Variants in CDH12 observed in about 807,000 individuals in gnomAD.
CDH12 encodes the protein cadherin-12.
A neutral mutation model predicts 74.1 loss-of-function variants in CDH12; 41 were observed. That is an observed-to-expected ratio of 0.55 (90% CI 0.43 to 0.72). The LOEUF (loss-of-function observed/expected upper bound fraction) is 0.72, where lower values mean the gene tolerates loss of function less well. Ranked by LOEUF, CDH12 falls within the 30% of genes least tolerant of loss-of-function variation. The probability of loss-of-function intolerance (pLI) is 0.00; values close to 1 mark genes in which losing one functional copy is unlikely to be tolerated. For missense variants in CDH12, 945 were observed against 977.2 expected (o/e 0.97, Z 0.44); for synonymous variants, 399 against 355.0 (o/e 1.12, Z -1.39).
In CDH12 at chr5:22,253,724, C is replaced by T. The variant is rs1256107154; in HGVS notation, c.-332-41081G>A. 2.0e-5 allele frequency among the ~76,000 whole-genome samples: 3 copies of T among 151,670 alleles called. No homozygotes were observed. The Admixed American group carries it at 2.0e-4, about 10-fold the overall frequency. On this transcript the variant is annotated intron_variant, in intron 3 of 14. Transcript: ENST00000382254. The stretch of plus-strand genomic sequence containing the variant: ...TTTTCCCTCTTCTCCTCCACCTCTC[C>T]TCCTCCTCTCATAACCCTTAATCTT...
At chr5:21,897,091 A>G (rs1222202259) in intron 6 of CDH12, among the ~76,000 whole-genome samples, 1 of 152,214 alleles carries the variant, frequency 6.6e-6, no homozygotes, top group Non-Finnish European at 1.5e-5. Flanking sequence ...ATTGCCAACA[A>G]ATATAATCAA....
At chr5:22,239,658 G>GT in intron 3 of CDH12, among the ~76,000 whole-genome samples, 1 of 152,194 alleles carries the variant, frequency 6.6e-6, no homozygotes, top group African/African-American at 2.4e-5. Context: ...GGGAATTGTC[G>GT]TTTAACGGTG....
At chr5:22,521,696 A>G (rs1737058503) in intron 1 of CDH12, among the ~76,000 whole-genome samples, 1 of 152,210 alleles carries the variant, frequency 6.6e-6, no homozygotes, top group Non-Finnish European at 1.5e-5. Context: ...AGCAAGCCAC[A>G]TGGTCTCTGT....
At chr5:22,434,246 G>C (rs1463181065) in intron 2 of CDH12, among the ~76,000 whole-genome samples, 2 of 152,080 alleles carry the variant, frequency 1.3e-5, no homozygotes, top group Non-Finnish European at 2.9e-5. Context: ...AAAAGGAAAA[G>C]TCAAATCAGA....
chr5:21,897,136 A>G (rs907433087), intron 6 of CDH12, among the ~76,000 whole-genome samples: 1 of 152,212 alleles, frequency 6.6e-6, no homozygotes, highest in Non-Finnish European at 1.5e-5. Flanking sequence ...AAGGGGAAAA[A>G]AAGGTTATAT....
chr5:22,574,615 T>C (rs1029535452), intron 1 of CDH12, among the ~76,000 whole-genome samples: 1 of 152,172 alleles, frequency 6.6e-6, no homozygotes, highest in Admixed American at 6.5e-5. Flanking sequence ...TTCCATAAGA[T>C]GGATTTCTAT....
intron 1 of CDH12, among the ~76,000 whole-genome samples, chr5:22,829,063 T>C (rs1024159157): frequency 6.6e-6 from 1 of 152,314 alleles, no homozygotes; most frequent in African/African-American, 2.4e-5. Flanking sequence ...CATTATTGAA[T>C]AAACTGAAGG....
intron 4 of CDH12, among the ~76,000 whole-genome samples, chr5:22,104,309 T>C (rs1338545539): frequency 6.6e-6 from 1 of 152,188 alleles, no homozygotes; most frequent in African/African-American, 2.4e-5. Context: ...ATATAAAAAT[T>C]AGTATCATCT....
At chr5:22,174,137 G>A (rs1234882865) in intron 4 of CDH12, among the ~76,000 whole-genome samples, 2 of 151,930 alleles carry the variant, frequency 1.3e-5, no homozygotes, top group African/African-American at 2.4e-5. Context: ...AGATGACAAG[G>A]TTGATGTAAA....
At chr5:22,079,342 G>T (rs909666741) in intron 4 of CDH12, among the ~76,000 whole-genome samples, 1 of 152,030 alleles carries the variant, frequency 6.6e-6, no homozygotes, top group African/African-American at 2.4e-5. Context: ...CAAGAAAAAA[G>T]TATCTCCAGA....
chr5:22,745,755 C>T (rs1281143347), intron 1 of CDH12, among the ~76,000 whole-genome samples: 1 of 151,754 alleles, frequency 6.6e-6, no homozygotes, highest in Admixed American at 6.6e-5. Context: ...TCCACTGGGG[C>T]CTTTTGGAGA....
intron 5 of CDH12, among the ~76,000 whole-genome samples, chr5:22,017,004 C>A (rs1737651704): frequency 6.6e-6 from 1 of 152,090 alleles, no homozygotes; most frequent in South Asian, 2.1e-4. Context: ...AAGACAATAG[C>A]ATCTTTGTCT....
In CDH12 at chr5:22,817,999, G is replaced by T. The variant is rs781382654; in HGVS notation, c.-523+35059C>A. On this transcript the variant is annotated intron_variant, in intron 1 of 14. Transcript: ENST00000382254. ...AGTATTGGAGAATAAAAAGTGGAAGGGTTGTGTAGTGTGTGGGTCGTACTT... is the reference window on the plus strand; with the variant it reads ...AGTATTGGAGAATAAAAAGTGGAAGTGTTGTGTAGTGTGTGGGTCGTACTT... 7.9e-5 allele frequency among the ~76,000 whole-genome samples: 12 copies of T among 152,084 alleles called. 1 individual carries two copies. The highest frequency in any genetic ancestry group is 4.1e-4 in the South Asian group (2 of 4,822).
intron 7 of CDH12, among the ~76,000 whole-genome samples, chr5:21,853,842 A>G (rs942321999): frequency 4.0e-5 from 6 of 151,716 alleles, no homozygotes; most frequent in Non-Finnish European, 3.0e-5. Context: ...TTCACGTAAT[A>G]CATCATATTA....
chr5:22,170,773 AT>A (rs1204187205), intron 4 of CDH12, among the ~76,000 whole-genome samples: 1 of 151,776 alleles, frequency 6.6e-6, no homozygotes, highest in Non-Finnish European at 1.5e-5. Context: ...CTGGTGCCAC[AT>A]TTTTTGTGAT....
intron 3 of CDH12, among the ~76,000 whole-genome samples, chr5:22,231,159 A>G (rs151201811): frequency 1.3e-5 from 2 of 152,274 alleles, no homozygotes; most frequent in Non-Finnish European, 2.9e-5. Context: ...TTTAATGTGT[A>G]TTTGTGTTAT....
At chr5:22,081,840 C>T (rs1742749709) in intron 4 of CDH12, among the ~76,000 whole-genome samples, 1 of 152,308 alleles carries the variant, frequency 6.6e-6, no homozygotes, top group African/African-American at 2.4e-5. Flanking sequence ...TCCATCCACT[C>T]ACATCACTTT....
intron 5 of CDH12, among the ~76,000 whole-genome samples, chr5:22,061,430 C>T (rs1287343707): frequency 2.6e-5 from 4 of 152,040 alleles, no homozygotes; most frequent in Non-Finnish European, 5.9e-5. Context: ...AGAATTCATT[C>T]GTATTCAAAT....
intron 5 of CDH12, among the ~76,000 whole-genome samples, chr5:22,067,367 A>T (rs987394983): frequency 6.6e-6 from 1 of 152,202 alleles, no homozygotes; most frequent in Admixed American, 6.5e-5. Context: ...AAGTTGTTGC[A>T]TGTGGTCCCT....
Sources: allele counts gnomAD v4.1 joint callset (sites outside exome capture counted in the v4.1 genomes callset), GRCh38; gene constraint gnomAD v4.1.1; transcripts MANE v1.5; gene names NCBI Gene and HGNC (gene_info 2026-07-23, HGNC 2026-07-21).